The following FOXN3 variants were observed in gnomAD, a reference collection of about 807,000 sequenced individuals.
FOXN3 encodes forkhead box N3, also known as forkhead box protein N3.
FOXN3 carries 7 observed loss-of-function variants against 38.4 expected under a neutral mutation model. The observed-to-expected ratio is 0.18, with a 90% confidence interval of 0.10 to 0.34. FOXN3 has a LOEUF of 0.34. FOXN3 is among the 10% of genes least tolerant of loss of function. FOXN3 has a pLI of 1.00. For missense variants in FOXN3, 456 were observed against 613.4 expected (o/e 0.74, Z 2.71); for synonymous variants, 230 against 242.2 (o/e 0.95, Z 0.47).
At chr14:89,341,957 A>G (rs1412838746) in intron 3 of FOXN3, among the ~76,000 whole-genome samples, 3 of 152,184 alleles carry the variant, frequency 2.0e-5, no homozygotes, top group African/African-American at 7.2e-5. Context: ...AAATCTGCAA[A>G]GACTCCAGGC....
At position 89,609,403 on chromosome 14, in the gene FOXN3, A is replaced by G. The variant is rs373078896; in HGVS notation, c.-15+9625T>C. ...TTTTTTGTAGAGATGGGGTTTCGCC[A>G]TGTTGCCCAGGCTGGCATCAAGGTT... is the stretch of plus-strand genomic sequence containing the variant. On this transcript the variant is annotated intron_variant, in intron 1 of 6. Coordinates refer to the FOXN3 transcript ENST00000345097. Among the ~76,000 whole-genome samples the G allele has an allele frequency of 3.8e-3, 572 of 152,254 alleles. 2 individuals carry two copies. Among genetic ancestry groups the G allele is most frequent in the African/African-American group, 0.013 (543 of 41,536 alleles).
intron 3 of FOXN3, among the ~76,000 whole-genome samples, chr14:89,343,196 A>G (rs1888663291): frequency 6.6e-6 from 1 of 152,218 alleles, no homozygotes; most frequent in Non-Finnish European, 1.5e-5. Flanking sequence ...TGCTGTGTGC[A>G]AATTCAGCAT....
At chr14:89,369,231 T>C (rs1389720396) in intron 2 of FOXN3, among the ~76,000 whole-genome samples, 1 of 152,172 alleles carries the variant, frequency 6.6e-6, no homozygotes, top group East Asian at 1.9e-4. Flanking sequence ...CATAAGAAAT[T>C]TTTAACTCAC....
rs534681243 is a variant in FOXN3 at position 89,406,251 on chromosome 14, A to C, written c.543+5683T>G. On this transcript the variant is annotated intron_variant, in intron 2 of 5. Transcript: ENST00000557258. ...TATGAGCCACAGTGCGCAGCCCTAC[A>C]AAAAAAAAAAATCTTGAAATTAGCT... 4.8e-5 allele frequency among the ~76,000 whole-genome samples: 7 copies of C among 145,230 alleles called. No individual in the cohort carries two copies. In the East Asian group the frequency reaches 1.4e-3, roughly 29 times the overall value.
At chr14:89,224,591 G>A (rs955655268) in intron 4 of FOXN3, among the ~76,000 whole-genome samples, 1 of 152,136 alleles carries the variant, frequency 6.6e-6, no homozygotes, top group Non-Finnish European at 1.5e-5. Flanking sequence ...ACTATACCAG[G>A]CACAACTGGG....
At chr14:89,196,130 C>A (rs118027521) in intron 4 of FOXN3, among the ~76,000 whole-genome samples, 43 of 152,278 alleles carry the variant, frequency 2.8e-4, no homozygotes, top group Admixed American at 5.2e-4. Context: ...CTCTGTAGTA[C>A]GAGACTGGAA....
chr14:89,600,525 C>A (rs569224565), intron 1 of FOXN3, among the ~76,000 whole-genome samples: 2 of 152,226 alleles, frequency 1.3e-5, no homozygotes, highest in African/African-American at 4.8e-5. Flanking sequence ...TATAAATTTT[C>A]TCCAAATTTT....
intron 4 of FOXN3, among the ~76,000 whole-genome samples, chr14:89,249,371 C>G (rs1885387705): frequency 6.6e-6 from 1 of 152,188 alleles, no homozygotes; most frequent in Non-Finnish European, 1.5e-5. Flanking sequence ...AGCTTCTCAG[C>G]TGAGTAACTC....
chr14:89,337,266 C>T (rs1334052009), intron 3 of FOXN3, among the ~76,000 whole-genome samples: 2 of 151,984 alleles, frequency 1.3e-5, no homozygotes, highest in Non-Finnish European at 2.9e-5. Flanking sequence ...GATCAAAGTG[C>T]GACAGGGAGA....
chr14:89,225,719 C>G (rs1884616806), intron 4 of FOXN3, among the ~76,000 whole-genome samples: 1 of 152,200 alleles, frequency 6.6e-6, no homozygotes, highest in South Asian at 2.1e-4. Flanking sequence ...ATCCGCTGAC[C>G]TGAGTTTGCC....
intron 1 of FOXN3, among the ~76,000 whole-genome samples, chr14:89,582,326 G>T (rs561856209): frequency 4.6e-5 from 7 of 152,044 alleles, no homozygotes; most frequent in Non-Finnish European, 4.4e-5. Context: ...CTTCTCCAAG[G>T]TTCTCTATTT....
At chr14:89,585,820 A>T (rs937338805) in intron 1 of FOXN3, among the ~76,000 whole-genome samples, 1 of 152,156 alleles carries the variant, frequency 6.6e-6, no homozygotes, top group Non-Finnish European at 1.5e-5. Context: ...CACAACAAAT[A>T]GTAAATTACA....
At chr14:89,488,419 G>A (rs1893496878) in intron 1 of FOXN3, among the ~76,000 whole-genome samples, 1 of 151,926 alleles carries the variant, frequency 6.6e-6, no homozygotes, top group South Asian at 2.1e-4. Flanking sequence ...GCCGAGGTGG[G>A]CACATCGCTT....
At chr14:89,307,913 A>T (rs536914238) in intron 3 of FOXN3, among the ~76,000 whole-genome samples, 5 of 152,362 alleles carry the variant, frequency 3.3e-5, no homozygotes, top group African/African-American at 1.2e-4. Flanking sequence ...AAGAACAAAG[A>T]TCTTCAAGTT....
At chr14:89,391,329 A>G (rs1890940180) in intron 2 of FOXN3, among the ~76,000 whole-genome samples, 1 of 152,236 alleles carries the variant, frequency 6.6e-6, no homozygotes, top group Non-Finnish European at 1.5e-5. Context: ...TAGTAAAACC[A>G]AGGTCATACA....
At chr14:89,518,250 A>G (rs1300411338) in intron 1 of FOXN3, among the ~76,000 whole-genome samples, 1 of 152,150 alleles carries the variant, frequency 6.6e-6, no homozygotes, top group Non-Finnish European at 1.5e-5. Context: ...GGGCTTTCCC[A>G]CATGCAAACC....
At chr14:89,213,204 C>T (rs571379921) in intron 4 of FOXN3, among the ~76,000 whole-genome samples, 63 of 152,294 alleles carry the variant, frequency 4.1e-4, no homozygotes, top group African/African-American at 1.5e-3. Flanking sequence ...TGGAGACAAC[C>T]TCAGTTCAGC....
At chr14:89,213,878 T>C (rs753447868) in intron 4 of FOXN3, among the ~76,000 whole-genome samples, 3 of 152,226 alleles carry the variant, frequency 2.0e-5, no homozygotes, top group Non-Finnish European at 2.9e-5. Flanking sequence ...TATTAAGCTA[T>C]TGTTTCTTCT....
Position 89,221,903 on chromosome 14 carries a change from AG to A in FOXN3, c.746-41098del, listed in dbSNP as rs563356871. Among the ~76,000 whole-genome samples the A allele has an allele frequency of 5.0e-3, 759 of 151,824 alleles. 5 individuals carry two copies. The highest frequency in any genetic ancestry group is 0.017 in the African/African-American group (714 of 41,342). On this transcript the variant is annotated intron_variant, in intron 4 of 5. Transcript: ENST00000557258. The stretch of plus-strand genomic sequence containing the variant: ...AGTGGCGCGATCTCGGCTCACTGCA[AG>A]CTCCACCTCCCGGGTTCACGCCATT...
Sources: gnomAD v4.1 joint callset for allele counts (sites outside exome capture counted in the v4.1 genomes callset) on GRCh38, gnomAD v4.1.1 for gene constraint, MANE v1.5 for transcripts, NCBI Gene and HGNC (gene_info 2026-07-23, HGNC 2026-07-21) for gene names.